The following TMEM255A variants were observed in gnomAD, a reference collection of about 807,000 sequenced individuals.
The protein encoded by TMEM255A is family with sequence similarity 70, member A.
TMEM255A carries 14 observed loss-of-function variants against 23.5 expected under a neutral mutation model. That is an observed-to-expected ratio of 0.60 (90% CI 0.39 to 0.93). The LOEUF (loss-of-function observed/expected upper bound fraction) is 0.93. Among genes scored for constraint, TMEM255A ranks in the 40% least tolerant of loss-of-function variants. The pLI is 0.00. For synonymous variants in TMEM255A, 104 were observed against 100.3 expected (o/e 1.04, Z -0.22); for missense variants, 233 against 261.7 (o/e 0.89, Z 0.76).
chrX:120,257,541 T>TTGC (rs1470072012), downstream of TMEM255A: 3 of 123,350 alleles, frequency 2.4e-5, no homozygotes, highest in African/African-American at 9.7e-5. Context: ...ATGTAATTAT[T>TTGC]TGCTGCTGCT....
Position 120,311,323 on chromosome X carries a change from C to T in TMEM255A, c.-14G>A. The stretch of plus-strand genomic sequence containing the variant: ...GGACTGATGCATGGTGAAAACTGCC[C>T]GGTTGCCCCAGTCCCCGAAGCTGCT... On this transcript the variant is annotated 5_prime_UTR_variant, in exon 1 of 9. Transcript: ENST00000371369. The T allele has an allele frequency of 8.5e-7, 1 of 1,170,070 alleles. No homozygotes were observed. Among genetic ancestry groups the T allele is most frequent in the Non-Finnish European group, 1.1e-6 (1 of 872,714 alleles).
chrX:120,274,341 T>C (rs1324831708), intron 7 of TMEM255A, among the ~76,000 whole-genome samples: 2 of 111,796 alleles, frequency 1.8e-5, no homozygotes, highest in East Asian at 5.6e-4. Context: ...GAAATGATGA[T>C]TGCACAACAT....
chrX:120,274,983 G>A (rs1191772517), intron 7 of TMEM255A, among the ~76,000 whole-genome samples: 1 of 111,706 alleles, frequency 9.0e-6, no homozygotes, highest in Non-Finnish European at 1.9e-5. Context: ...TCCTCAACTC[G>A]CCAAACCTGG....
intron 7 of TMEM255A, among the ~76,000 whole-genome samples, chrX:120,269,122 C>T (rs1215598696): frequency 1.6e-5 from 1 of 62,416 alleles, no homozygotes; most frequent in Non-Finnish European, 3.3e-5. Flanking sequence ...TATATTGATC[C>T]CCCCACCTTT....
intron 6 of TMEM255A, among the ~76,000 whole-genome samples, chrX:120,282,813 G>T (rs1360853960): frequency 8.9e-6 from 1 of 112,169 alleles, no homozygotes; most frequent in Non-Finnish European, 1.9e-5. Context: ...TTAAAGTAGG[G>T]TTTTGTGTAT....
At chrX:120,309,669 CCT>C (rs1266134897) in intron 1 of TMEM255A, among the ~76,000 whole-genome samples, 4 of 112,224 alleles carry the variant, frequency 3.6e-5, no homozygotes, top group East Asian at 2.8e-4. Flanking sequence ...TGCATTCCCA[CCT>C]CTCTGTCTCT....
rs190411146 is a variant in TMEM255A at position 120,279,140 on chromosome X, T to A, written c.513-2093A>T. Among the ~76,000 whole-genome samples the A allele has an allele frequency of 2.0e-3, 221 of 111,891 alleles. 3 individuals carry two copies. The highest frequency in any genetic ancestry group is 6.6e-3 in the African/African-American group (202 of 30,792). Reference sequence around the variant, plus strand: ...AGTAAGCTTCCGTAGTGGAATTTTTTAAAAAAATATTTTTTGTAGAGACAG... The same window carrying A: ...AGTAAGCTTCCGTAGTGGAATTTTTAAAAAAAATATTTTTTGTAGAGACAG... On this transcript the variant is annotated intron_variant, in intron 6 of 8. Coordinates refer to ENST00000371369, the MANE Select transcript of TMEM255A (RefSeq NM_001104544.3).
chrX:120,253,942 A>G (rs782346965), downstream of TMEM255A: 1 of 1,205,634 alleles, frequency 8.3e-7, no homozygotes, highest in Non-Finnish European at 1.1e-6. Flanking sequence ...TTATCTGCCG[A>G]AGATTATGAA....
chrX:120,272,474 A>G (rs2057767751), intron 7 of TMEM255A, among the ~76,000 whole-genome samples: 1 of 111,377 alleles, frequency 9.0e-6, no homozygotes, highest in Non-Finnish European at 1.9e-5. Context: ...GTGTTGAGGG[A>G]GAGACCTGGT....
intron 7 of TMEM255A, among the ~76,000 whole-genome samples, chrX:120,272,420 C>G (rs982456276): frequency 9.0e-6 from 1 of 111,255 alleles, no homozygotes; most frequent in Admixed American, 9.5e-5. Context: ...GATTTGTGTC[C>G]CCACCCAAGT....
In TMEM255A at chrX:120,258,913, T is replaced by C. The variant is rs1161099523; in HGVS notation, c.*1957A>G. 4.4e-5 allele frequency: 5 copies of C among 112,745 alleles called. No homozygotes were observed. Among genetic ancestry groups the C allele is most frequent in the African/African-American group, 1.6e-4 (5 of 30,994 alleles). The allele number at this position is 112,745 out of a possible 1,213,427, so 9.3% of individuals were successfully genotyped here. On this transcript the variant is annotated 3_prime_UTR_variant, in exon 9 of 9. Transcript: ENST00000371369. ...TTGCAAAAGAGTAAAGCAGCAAATA[T>C]TAATTTTTCTAAGGTAACATGCACT... is the stretch of plus-strand genomic sequence containing the variant.
intron 1 of TMEM255A, 132 bp downstream of exon 1, chrX:120,311,120 G>A (rs782279274): frequency 6.2e-4 from 361 of 584,458 alleles, no homozygotes; most frequent in Non-Finnish European, 7.5e-4. Flanking sequence ...AGACGCTGGG[G>A]CGCGAAGACC....
intron 4 of TMEM255A, among the ~76,000 whole-genome samples, chrX:120,288,082 T>C (rs980573748): frequency 1.8e-5 from 2 of 111,578 alleles, no homozygotes; most frequent in African/African-American, 6.5e-5. Flanking sequence ...AAACAACTTA[T>C]GCAAATTGAC....
chrX:120,261,047 A>T lies in TMEM255A; in HGVS notation c.820-19T>A, dbSNP rs1556016604. On this transcript the variant is annotated intron_variant, in intron 8 of 8. Coordinates refer to ENST00000371369, the MANE Select transcript of TMEM255A (RefSeq NM_001104544.3). ...CGGAATGCTGTGTGATAAAAAGAAA[A>T]CGTTAGTTTAGGCAGTGAGTTTGCA... The T allele has an allele frequency of 8.5e-7, 1 of 1,182,116 alleles. No homozygotes were observed. The highest frequency in any genetic ancestry group is 2.6e-5 in the Admixed American group (1 of 38,718).
Position 120,289,066 on chromosome X carries a change from A to G in TMEM255A, c.355-1844T>C, listed in dbSNP as rs781827242. Among the ~76,000 whole-genome samples the G allele has an allele frequency of 6.2e-4, 69 of 111,664 alleles. 1 individual carries two copies. Among genetic ancestry groups the G allele is most frequent in the Admixed American group, 1.5e-3 (16 of 10,524 alleles). ...GGGAAAGATGATGTTAAAGGGCCTCAACAATAGGACAGCTGGCTCTCACCC... is the reference window on the plus strand; with the variant it reads ...GGGAAAGATGATGTTAAAGGGCCTCGACAATAGGACAGCTGGCTCTCACCC... On this transcript the variant is annotated intron_variant, in intron 4 of 8. Coordinates refer to ENST00000371369, the MANE Select transcript of TMEM255A (RefSeq NM_001104544.3).
At chrX:120,264,591 T>C (rs2057702870) in intron 8 of TMEM255A, among the ~76,000 whole-genome samples, 1 of 111,055 alleles carries the variant, frequency 9.0e-6, no homozygotes, top group South Asian at 3.8e-4. Context: ...CATCCTCCTA[T>C]TAGCCTCAGG....
intron 3 of TMEM255A, among the ~76,000 whole-genome samples, chrX:120,293,538 T>C (rs1449073184): frequency 3.5e-5 from 4 of 112,900 alleles, no homozygotes; most frequent in African/African-American, 9.7e-5. Flanking sequence ...GTCTGCTATA[T>C]TGTAATCTCC....
intron 2 of TMEM255A, among the ~76,000 whole-genome samples, chrX:120,298,922 T>C (rs1328695712): frequency 1.8e-5 from 2 of 109,630 alleles, no homozygotes; most frequent in Admixed American, 9.8e-5. Flanking sequence ...GAGGATATTC[T>C]AGGCATGAGG....
At chrX:120,298,273 AG>A (rs1423533105) in intron 2 of TMEM255A, among the ~76,000 whole-genome samples, 5 of 111,393 alleles carry the variant, frequency 4.5e-5, no homozygotes, top group Non-Finnish European at 9.4e-5. Flanking sequence ...TCTGGCTGGC[AG>A]TGTGTTCGAT....
Sources: gnomAD v4.1 joint callset for allele counts (sites outside exome capture counted in the v4.1 genomes callset) on GRCh38, gnomAD v4.1.1 for gene constraint, MANE v1.5 for transcripts, NCBI Gene and HGNC (gene_info 2026-07-23, HGNC 2026-07-21) for gene names.